OTUD7A: variants seen among roughly 807,000 people sequenced by gnomAD.
OTUD7A encodes OTU deubiquitinase 7A, also known as OTU domain-containing protein 7A.
OTUD7A carries 12 observed loss-of-function variants against 65.7 expected under a neutral mutation model. The ratio of observed to expected loss-of-function variants is 0.18; its 90% confidence interval spans 0.12 to 0.30. OTUD7A has a LOEUF of 0.30. Ranked by LOEUF, OTUD7A falls within the 10% of genes least tolerant of loss-of-function variation. The pLI is 1.00. For synonymous variants in OTUD7A, 641 were observed against 586.3 expected (o/e 1.09, Z -1.35); for missense variants, 1,148 against 1,304.8 (o/e 0.88, Z 1.85).
chr15:31,632,094 A>T (rs1891182254), intron 3 of OTUD7A, among the ~76,000 whole-genome samples: 1 of 152,198 alleles, frequency 6.6e-6, no homozygotes, highest in African/African-American at 2.4e-5. Context: ...CAGCTCGTCA[A>T]AGTCATTCTC....
At chr15:31,584,532 AC>A (rs1413788224) in intron 3 of OTUD7A, among the ~76,000 whole-genome samples, 1 of 152,236 alleles carries the variant, frequency 6.6e-6, no homozygotes, top group Non-Finnish European at 1.5e-5. Flanking sequence ...CAGACAAGTT[AC>A]AGGGGGATGC....
At chr15:31,744,118 C>T (rs1424696345) in intron 1 of OTUD7A, among the ~76,000 whole-genome samples, 2 of 152,088 alleles carry the variant, frequency 1.3e-5, no homozygotes, top group South Asian at 2.1e-4. Flanking sequence ...CTAAGAAAAT[C>T]GTATTTATTA....
At chr15:31,718,487 A>G (rs568543057) in intron 1 of OTUD7A, among the ~76,000 whole-genome samples, 1 of 151,634 alleles carries the variant, frequency 6.6e-6, no homozygotes, top group East Asian at 1.9e-4. Flanking sequence ...AAGAATCATC[A>G]CCTATTTAAT....
intron 1 of OTUD7A, among the ~76,000 whole-genome samples, chr15:31,807,022 C>A: frequency 1.3e-5 from 2 of 152,356 alleles, no homozygotes; most frequent in South Asian, 4.1e-4. Flanking sequence ...CTCTACCACT[C>A]TTCCCTCTCC....
intron 5 of OTUD7A, among the ~76,000 whole-genome samples, chr15:31,531,940 A>C (rs79723022): frequency 4.6e-5 from 7 of 152,148 alleles, no homozygotes; most frequent in African/African-American, 1.7e-4. Flanking sequence ...GCCAAGAAGT[A>C]CCAAGCCCAT....
At position 31,765,621 on chromosome 15, in the gene OTUD7A, C is replaced by G. The variant is rs1895075930; in HGVS notation, c.-100+104886G>C. Reference sequence around the variant, plus strand: ...TGATAAACATCTATTTTGGCACTACCTTACATAATGTGTTTATTTAGAAAT... The same window carrying G: ...TGATAAACATCTATTTTGGCACTACGTTACATAATGTGTTTATTTAGAAAT... On this transcript the variant is annotated intron_variant, in intron 1 of 12. Transcript: ENST00000307050. 1.3e-5 allele frequency: 8 copies of G among 606,662 alleles called. No homozygotes were observed. In the East Asian group the frequency reaches 2.0e-4, roughly 15 times the overall value. The allele number at this position is 606,662 out of a possible 1,614,324, so 37.6% of individuals were successfully genotyped here. A position where few individuals can be genotyped will look rare whatever the true frequency, so the allele number is the denominator to read the frequency against.
intron 8 of OTUD7A, among the ~76,000 whole-genome samples, chr15:31,506,074 T>G (rs550924756): frequency 2.6e-4 from 39 of 152,252 alleles, no homozygotes; most frequent in Admixed American, 1.8e-3. Flanking sequence ...TAATGTTTTA[T>G]TATTTTAGAA....
intron 1 of OTUD7A, among the ~76,000 whole-genome samples, chr15:31,658,854 C>A (rs1280310008): frequency 6.6e-6 from 1 of 150,390 alleles, no homozygotes; most frequent in African/African-American, 2.5e-5. Flanking sequence ...ATGGTGAAAC[C>A]CCGTCTCTAC....
intron 1 of OTUD7A, among the ~76,000 whole-genome samples, chr15:31,687,251 T>C (rs1297156063): frequency 6.6e-6 from 1 of 151,914 alleles, no homozygotes; most frequent in Non-Finnish European, 1.5e-5. Flanking sequence ...AGGAAGCCGA[T>C]GGGGGAGTGC....
Position 31,487,133 on chromosome 15 carries a change from G to A in OTUD7A, c.1371+61C>T. On this transcript the variant is annotated intron_variant, in intron 12 of 12. Coordinates refer to ENST00000307050, the MANE Select transcript of OTUD7A (RefSeq NM_001382637.1). This position sits in a 1 kb window ranked among gnomAD's most constrained non-coding sequence, Gnocchi z 6.0. ...CATTTGGGAGGATGCACCCTGGTCAGACTGGAGCTGAGCAGCCTGGACCCT... is the reference window on the plus strand; with the variant it reads ...CATTTGGGAGGATGCACCCTGGTCAAACTGGAGCTGAGCAGCCTGGACCCT... The A allele has an allele frequency of 6.6e-7, 1 of 1,519,914 alleles. No individual in the cohort carries two copies. The highest frequency in any genetic ancestry group is 1.7e-5 in the Admixed American group (1 of 58,326). The allele number at this position is 1,519,914 out of a possible 1,614,324, so 94.2% of individuals were successfully genotyped here.
At chr15:31,855,413 T>C (rs1897543369) in intron 1 of OTUD7A, among the ~76,000 whole-genome samples, 1 of 152,144 alleles carries the variant, frequency 6.6e-6, no homozygotes, top group Non-Finnish European at 1.5e-5. Flanking sequence ...AGTTTGAGTG[T>C]GCCATGAGCC....
At chr15:31,697,297 C>T (rs1029114525) in intron 1 of OTUD7A, among the ~76,000 whole-genome samples, 1 of 135,010 alleles carries the variant, frequency 7.4e-6, no homozygotes, top group Non-Finnish European at 1.6e-5. Flanking sequence ...GAAAGGCCCT[C>T]CTTGGCTGCC....
chr15:31,620,707 C>CA (rs1209453079), intron 3 of OTUD7A, among the ~76,000 whole-genome samples: 5 of 108,928 alleles, frequency 4.6e-5, no homozygotes, highest in Admixed American at 8.9e-5. Context: ...TTGATCCTTT[C>CA]AAAAAACCAG....
At chr15:31,768,158 T>C (rs1364854801) in intron 1 of OTUD7A, 1 of 1,558,044 alleles carries the variant, frequency 6.4e-7, no homozygotes, top group Non-Finnish European at 8.9e-7. Flanking sequence ...ATTCCACAGC[T>C]TGGTGGCCCG....
At position 31,484,029 on chromosome 15, in the gene OTUD7A, A is replaced by C. The variant is rs1398694572; in HGVS notation, c.2067T>G (p.Ala689=). ...RRRDAATAAA[A]AAAAAAATAK... is the part of the protein sequence containing the mutation. ...CCGTGGCGGCGGCGGCGGCGGCGGC[A>C]GCGGCGGCCGCAGTAGCGGCGTCGC... The change falls in exon 13 of 13, where the codon GCT becomes GCG. Residue 689 remains alanine (A), a synonymous_variant. Coordinates refer to ENST00000307050, the MANE Select transcript of OTUD7A (RefSeq NM_001382637.1). The surrounding 1 kb of genome is among the most constrained non-coding windows in gnomAD (Gnocchi z 4.5). 3 of 1,169,082 alleles carry C rather than the reference A, an allele frequency of 2.6e-6. No individual in the cohort carries two copies. Among genetic ancestry groups the C allele is most frequent in the Non-Finnish European group, 3.2e-6 (3 of 935,410 alleles). The allele number at this position is 1,169,082 out of a possible 1,614,324, so 72.4% of individuals were successfully genotyped here.
At chr15:31,593,661 C>T (rs530347305) in intron 3 of OTUD7A, among the ~76,000 whole-genome samples, 1 of 152,136 alleles carries the variant, frequency 6.6e-6, no homozygotes, top group East Asian at 1.9e-4. Context: ...CGGGGCTGGG[C>T]TGTAGGGCGG....
At chr15:31,773,269 A>G (rs1052290294) in intron 1 of OTUD7A, among the ~76,000 whole-genome samples, 4 of 152,230 alleles carry the variant, frequency 2.6e-5, no homozygotes, top group African/African-American at 9.7e-5. Context: ...CATCTTCCAC[A>G]CTCAGTCTAG....
At chr15:31,701,799 A>G (rs1329845082) in intron 1 of OTUD7A, among the ~76,000 whole-genome samples, 1 of 152,210 alleles carries the variant, frequency 6.6e-6, no homozygotes, top group Non-Finnish European at 1.5e-5. Flanking sequence ...CGACACTTCT[A>G]CGAAGCCACA....
intron 1 of OTUD7A, among the ~76,000 whole-genome samples, chr15:31,702,968 G>A (rs527374120): frequency 2.4e-3 from 370 of 151,860 alleles, no homozygotes; most frequent in African/African-American, 8.4e-3. Flanking sequence ...AAAGCAACTT[G>A]ACAGAGGAAA....
Sources: allele counts gnomAD v4.1 joint callset (sites outside exome capture counted in the v4.1 genomes callset), GRCh38; gene constraint gnomAD v4.1.1; non-coding constraint Gnocchi (gnomAD v3.1); transcripts MANE v1.5; gene names NCBI Gene and HGNC (gene_info 2026-07-23, HGNC 2026-07-21).